The following PARM1 variants were observed in gnomAD, a reference collection of about 807,000 sequenced individuals.
The protein encoded by PARM1 is WSC4, cell wall integrity and stress response component 4 homolog.
A neutral mutation model predicts 24.6 loss-of-function variants in PARM1; 14 were observed. That is an observed-to-expected ratio of 0.57 (90% CI 0.38 to 0.89). The LOEUF (loss-of-function observed/expected upper bound fraction) is 0.89, where lower values mean the gene tolerates loss of function less well. PARM1 is among the 40% of genes least tolerant of loss of function. The pLI, the probability that PARM1 is intolerant of heterozygous loss-of-function variation, is 0.00. For synonymous variants in PARM1, 179 were observed against 156.6 expected, an observed-to-expected ratio of 1.14 and a Z score of -1.07; for missense variants, 362 against 380.4, an observed-to-expected ratio of 0.95 and a Z score of 0.40.
intron 2 of PARM1, among the ~76,000 whole-genome samples, chr4:75,030,737 A>G (rs1035092589): frequency 1.3e-5 from 2 of 152,164 alleles, no homozygotes; most frequent in African/African-American, 4.8e-5. Context: ...ACAAATCCCA[A>G]TGAGGAAGAA....
intron 3 of PARM1, among the ~76,000 whole-genome samples, chr4:75,042,117 G>C (rs1560395968): frequency 6.6e-6 from 1 of 152,078 alleles, no homozygotes; most frequent in Non-Finnish European, 1.5e-5. Flanking sequence ...ATCCTAGCTG[G>C]TATTAGCCAA....
chr4:75,034,295 C>G (rs17000112), intron 3 of PARM1, among the ~76,000 whole-genome samples: 14,579 of 152,170 alleles, frequency 0.096, 835 homozygotes, highest in African/African-American at 0.16. Context: ...TCCTAAAACT[C>G]ACCTATTCTC....
In PARM1 at chr4:74,933,380, G is replaced by C. The variant is rs766508665; in HGVS notation, c.43+10G>C. 1.2e-6 allele frequency: 2 copies of C among 1,611,902 alleles called. No individual in the cohort carries two copies. Among genetic ancestry groups the C allele is most frequent in the South Asian group, 1.1e-5 (1 of 90,788 alleles). Reference sequence around the variant, plus strand: ...TGCATCTTAACTGCAGGTAATTGGCGCCATCCTCCCGGAAGGGCAGGTCGC... The same window carrying C: ...TGCATCTTAACTGCAGGTAATTGGCCCCATCCTCCCGGAAGGGCAGGTCGC... On this transcript the variant is annotated intron_variant, in intron 1 of 3. Coordinates refer to ENST00000307428, the MANE Select transcript of PARM1 (RefSeq NM_015393.4).
intron 1 of PARM1, chr4:74,956,027 AC>A (rs747615013): frequency 4.6e-5 from 7 of 152,244 alleles, no homozygotes; most frequent in Non-Finnish European, 1.0e-4. Flanking sequence ...TACCAGCTGA[AC>A]ATACAGTTCT....
In PARM1 at chr4:75,033,968, C is replaced by T. The variant is rs563987506; in HGVS notation, c.848+7C>T. The T allele has an allele frequency of 2.5e-6, 4 of 1,588,208 alleles. No individual in the cohort carries two copies. Among genetic ancestry groups the T allele is most frequent in the Admixed American group, 1.8e-5 (1 of 56,724 alleles). On this transcript the variant is annotated splice_region_variant and intron_variant, in intron 3 of 3. Coordinates refer to ENST00000307428, the MANE Select transcript of PARM1 (RefSeq NM_015393.4). ...CAGCCTACCTAAAAATCAGGTGAGA[C>T]GCAGCTTACTCTTAAAAAAAAGGGA... is the stretch of plus-strand genomic sequence containing the variant.
At chr4:75,001,083 C>T (rs1722672004) in intron 1 of PARM1, among the ~76,000 whole-genome samples, 1 of 152,074 alleles carries the variant, frequency 6.6e-6, no homozygotes, top group Non-Finnish European at 1.5e-5. Flanking sequence ...TAATATTTCC[C>T]ATAGGTTTAT....
intron 1 of PARM1, chr4:74,955,947 C>T (rs762341930): frequency 2.0e-5 from 3 of 152,034 alleles, no homozygotes; most frequent in Non-Finnish European, 4.4e-5. Context: ...AAGTTTAGAC[C>T]TCCAAAAAAA....
intron 1 of PARM1, chr4:74,970,510 G>A (rs1722008467): frequency 6.6e-6 from 1 of 152,244 alleles, no homozygotes. Context: ...GAAGGGCCAG[G>A]TCTGTGAGAA....
chr4:74,978,143 A>C (rs1020757087), intron 1 of PARM1, among the ~76,000 whole-genome samples: 4 of 152,252 alleles, frequency 2.6e-5, no homozygotes, highest in Non-Finnish European at 5.9e-5. Context: ...AAATGGGCTA[A>C]ATGCCCCCAA....
In PARM1 at chr4:74,944,262, G is replaced by C. The variant is rs1039699985; in HGVS notation, c.43+10892G>C. ...TGCTTGCCTTGCAGCCTTAGCAATC[G>C]TGGTAAAATGTAAGATTATATCAAC... On this transcript the variant is annotated intron_variant, in intron 1 of 3. Transcript: ENST00000307428. Among the ~76,000 whole-genome samples the C allele has an allele frequency of 2.0e-5, 3 of 152,318 alleles. No homozygotes were observed. The East Asian group carries it at 5.8e-4, about 29-fold the overall frequency.
chr4:75,043,347 A>G (rs1161406703), intron 3 of PARM1, among the ~76,000 whole-genome samples: 1 of 152,180 alleles, frequency 6.6e-6, no homozygotes, highest in African/African-American at 2.4e-5. Flanking sequence ...TTCATTGCAC[A>G]TTTGCTATGT....
intron 1 of PARM1, among the ~76,000 whole-genome samples, chr4:74,951,602 G>A (rs772940761): frequency 3.3e-5 from 5 of 151,020 alleles, no homozygotes; most frequent in Admixed American, 6.6e-5. Context: ...CCCCAACCCC[G>A]CGACAGGCCC....
chr4:75,013,747 T>C (rs1026376569), intron 2 of PARM1, among the ~76,000 whole-genome samples: 2 of 152,254 alleles, frequency 1.3e-5, no homozygotes, highest in Admixed American at 1.3e-4. Flanking sequence ...GTCACTGATA[T>C]ATTTCAAGGG....
chr4:74,986,733 GA>G (rs1354719185), intron 1 of PARM1, among the ~76,000 whole-genome samples: 2 of 151,930 alleles, frequency 1.3e-5, no homozygotes, highest in African/African-American at 4.8e-5. Flanking sequence ...TTAAGCAAAG[GA>G]AAAAAATTTC....
chr4:74,969,953 G>A (rs1377755478), intron 1 of PARM1: 2 of 152,234 alleles, frequency 1.3e-5, no homozygotes, highest in Non-Finnish European at 2.9e-5. Context: ...CATGGGCCAA[G>A]TTAGTCTGGA....
chr4:74,974,721 C>T (rs1722106319), intron 1 of PARM1, among the ~76,000 whole-genome samples: 1 of 152,122 alleles, frequency 6.6e-6, no homozygotes, highest in African/African-American at 2.4e-5. Flanking sequence ...GATATTGAAG[C>T]CCTTAAGCTT....
chr4:75,012,314 A>G, intron 1 of PARM1, 111 bp from the exon 2 acceptor site: 16 of 1,204,786 alleles, frequency 1.3e-5, no homozygotes, highest in Non-Finnish European at 1.9e-5. Context: ...ATGCAAAATG[A>G]GAAATACCTG....
intron 1 of PARM1, among the ~76,000 whole-genome samples, chr4:75,005,025 C>T (rs569725529): frequency 6.6e-6 from 1 of 152,330 alleles, no homozygotes; most frequent in East Asian, 1.9e-4. Flanking sequence ...GTGCCTACCT[C>T]ACAGAGGTTA....
chr4:74,966,529 G>C (rs546145882), intron 1 of PARM1, among the ~76,000 whole-genome samples: 1 of 152,120 alleles, frequency 6.6e-6, no homozygotes, highest in East Asian at 1.9e-4. Flanking sequence ...TATCAAGGGT[G>C]GGGGAATTCT....
Sources: gnomAD v4.1 joint callset for allele counts (sites outside exome capture counted in the v4.1 genomes callset) on GRCh38, gnomAD v4.1.1 for gene constraint, MANE v1.5 for transcripts, NCBI Gene and HGNC (gene_info 2026-07-23, HGNC 2026-07-21) for gene names.